Variants in LOXHD1 observed in about 807,000 individuals in gnomAD.
LOXHD1 encodes lipoxygenase homology PLAT domains 1, also known as lipoxygenase homology domain-containing protein 1.
A neutral mutation model predicts 248.2 loss-of-function variants in LOXHD1; 205 were observed. That is an observed-to-expected ratio of 0.83 (90% CI 0.74 to 0.93). The LOEUF is 0.93. Ranked by LOEUF, LOXHD1 falls within the 40% of genes least tolerant of loss-of-function variation. LOXHD1 has a pLI of 0.00. For missense variants in LOXHD1, 2,930 were observed against 2,971.6 expected, an observed-to-expected ratio of 0.99 and a Z score of 0.33; for synonymous variants, 1,113 against 1,162.8, an observed-to-expected ratio of 0.96 and a Z score of 0.87.
intron 28 of LOXHD1, among the ~76,000 whole-genome samples, chr18:46,531,600 T>G (rs933949987): frequency 1.3e-5 from 2 of 152,190 alleles, no homozygotes; most frequent in Non-Finnish European, 1.5e-5. Context: ...TCCAGTCCTC[T>G]GGGAATTAGG....
rs765846997 is a variant in LOXHD1, at chr18:46,534,368, G to T, written c.4179C>A (p.His1393Gln). Reference protein sequence around the residue: ...TGMNPGWHCSHVDIRRLLPDK... With the variant: ...TGMNPGWHCSQVDIRRLLPDK... The stretch of plus-strand genomic sequence containing the variant: ...CCGGGAGGAGCCTGCGGATGTCCAC[G>T]TGAGAGCAGTGCCACCCAGGATTCA... The change falls in exon 27 of 41, where the codon CAC becomes CAA. Residue 1393 changes from histidine to glutamine, a missense_variant. His to Gln is a conservative substitution (Grantham distance 24, BLOSUM62 0). Coordinates refer to ENST00000642948, the MANE Select transcript of LOXHD1 (RefSeq NM_001384474.1). 1 of 1,551,646 alleles carries T rather than the reference G, an allele frequency of 6.4e-7. No homozygotes were observed. The highest frequency in any genetic ancestry group is 8.7e-7 in the Non-Finnish European group (1 of 1,146,948).
intron 25 of LOXHD1, 136 bp from the exon 26 acceptor site, chr18:46,538,473 C>T (rs1424857376): frequency 7.9e-6 from 7 of 885,160 alleles, no homozygotes; most frequent in Non-Finnish European, 1.2e-5. Context: ...AACTGCTGCT[C>T]AGGGACCTGG....
At chr18:46,545,254 TGA>T (rs1241974010) in intron 23 of LOXHD1, 61 bp downstream of exon 23, 5 of 1,235,134 alleles carry the variant, frequency 4.0e-6, no homozygotes, top group African/African-American at 1.5e-5. Flanking sequence ...AAATTTCTGC[TGA>T]GTCTTCTGGT....
intron 6 of LOXHD1, among the ~76,000 whole-genome samples, chr18:46,606,601 C>T (rs1182555748): frequency 1.3e-5 from 2 of 152,126 alleles, no homozygotes; most frequent in African/African-American, 2.4e-5. Flanking sequence ...CATGTTTAGA[C>T]TTGGGTCCCA....
At chr18:46,502,943 T>C (rs2034328594) in intron 37 of LOXHD1, among the ~76,000 whole-genome samples, 1 of 152,202 alleles carries the variant, frequency 6.6e-6, no homozygotes. Context: ...AGGGTTCTAA[T>C]TCCTTTGGGT....
Position 46,656,893 on chromosome 18 carries a change from G to C in LOXHD1, c.130+11C>G. ...TGCACCACCCGCCCCCCGCAGGCTG[G>C]GACCCCGCACCTCTGGCCTTGTAGT... is the stretch of plus-strand genomic sequence containing the variant. On this transcript the variant is annotated intron_variant, in intron 1 of 40. Coordinates refer to ENST00000642948, the MANE Select transcript of LOXHD1 (RefSeq NM_001384474.1). 6.4e-7 allele frequency: 1 copy of C among 1,551,062 alleles called. No individual in the cohort carries two copies. Among genetic ancestry groups the C allele is most frequent in the Non-Finnish European group, 8.7e-7 (1 of 1,146,570 alleles).
At chr18:46,484,927 T>G in intron 39 of LOXHD1, 92 bp downstream of exon 39, 1 of 1,461,168 alleles carries the variant, frequency 6.8e-7, no homozygotes. Flanking sequence ...GGCCCATTTG[T>G]GTACCTATGG....
intron 2 of LOXHD1, among the ~76,000 whole-genome samples, chr18:46,646,655 C>T (rs557535433): frequency 3.5e-4 from 54 of 152,320 alleles, no homozygotes; most frequent in Non-Finnish European, 6.9e-4. Context: ...AGCTACAGGC[C>T]TCCTCTGCCC....
At chr18:46,618,096 G>A in intron 5 of LOXHD1, 96 bp downstream of exon 5, 1 of 847,536 alleles carries the variant, frequency 1.2e-6, no homozygotes, top group Non-Finnish European at 1.9e-6. Flanking sequence ...GCCCAAAGTG[G>A]GGCTCAAGCT....
intron 14 of LOXHD1, among the ~76,000 whole-genome samples, chr18:46,575,816 A>C (rs1201655751): frequency 6.6e-6 from 1 of 152,104 alleles, no homozygotes; most frequent in Non-Finnish European, 1.5e-5. Context: ...TCAACTCCCC[A>C]AAATCTCCTA....
At chr18:46,645,009 T>C (rs16939890) in intron 2 of LOXHD1, among the ~76,000 whole-genome samples, 26,644 of 152,160 alleles carry the variant, frequency 0.18, 2,643 homozygotes, top group East Asian at 0.39. Flanking sequence ...CAATCTCTTT[T>C]TGGAAGACAA....
chr18:46,512,171 A>G (rs1239216079), intron 34 of LOXHD1, among the ~76,000 whole-genome samples: 6 of 152,292 alleles, frequency 3.9e-5, no homozygotes, highest in Admixed American at 3.9e-4. Flanking sequence ...CCATTATTAC[A>G]GATATGCACT....
intron 33 of LOXHD1, chr18:46,520,463 C>A (rs1324063066): frequency 5.4e-6 from 2 of 370,372 alleles, no homozygotes; most frequent in Non-Finnish European, 1.1e-5. Context: ...GGCTGTGTGT[C>A]CTCAGATCCT....
intron 38 of LOXHD1, among the ~76,000 whole-genome samples, chr18:46,486,457 C>G (rs774100470): frequency 2.0e-5 from 3 of 152,284 alleles, no homozygotes; most frequent in Admixed American, 1.3e-4. Flanking sequence ...GGCAAAGAGA[C>G]AGGCAGCCTC....
intron 2 of LOXHD1, among the ~76,000 whole-genome samples, chr18:46,648,820 A>G (rs2039068638): frequency 6.6e-6 from 1 of 152,190 alleles, no homozygotes; most frequent in Non-Finnish European, 1.5e-5. Context: ...GTGTGATGAT[A>G]TATGAGGAAA....
At chr18:46,641,565 C>T (rs554343091) in intron 3 of LOXHD1, among the ~76,000 whole-genome samples, 8 of 152,216 alleles carry the variant, frequency 5.3e-5, no homozygotes, top group Admixed American at 2.6e-4. Context: ...GGGTTATCAC[C>T]GATGAGGCAC....
At chr18:46,604,319 T>G (rs2038382106) in intron 6 of LOXHD1, 90 bp from the exon 7 acceptor site, 1 of 1,496,204 alleles carries the variant, frequency 6.7e-7, no homozygotes, top group Non-Finnish European at 9.0e-7. Context: ...CACTTGAGTC[T>G]ACTTTAAGAA....
chr18:46,502,862 C>A (rs893982188), intron 37 of LOXHD1, among the ~76,000 whole-genome samples: 1 of 152,300 alleles, frequency 6.6e-6, no homozygotes, highest in South Asian at 2.1e-4. Flanking sequence ...TAGGGAACCC[C>A]GTGCTTCTGG....
intron 6 of LOXHD1, among the ~76,000 whole-genome samples, chr18:46,607,803 G>T (rs895514580): frequency 6.6e-6 from 1 of 152,080 alleles, no homozygotes; most frequent in Non-Finnish European, 1.5e-5. Context: ...AGGGGAAGCT[G>T]CCGGTTTTGG....
Sources: allele counts gnomAD v4.1 joint callset (sites outside exome capture counted in the v4.1 genomes callset), GRCh38; gene constraint gnomAD v4.1.1; transcripts MANE v1.5; gene names NCBI Gene and HGNC (gene_info 2026-07-23, HGNC 2026-07-21).